Variants in WASHC2A observed in about 807,000 individuals in gnomAD.
The protein encoded by WASHC2A is WASH complex subunit FAM21A.
Under a neutral mutation model 140.3 loss-of-function variants are expected in WASHC2A, and 82 were observed. That is an observed-to-expected ratio of 0.58 (90% CI 0.49 to 0.70). The LOEUF (loss-of-function observed/expected upper bound fraction) is 0.70, where lower values mean the gene tolerates loss of function less well. WASHC2A is among the 30% of genes least tolerant of loss of function. The probability of loss-of-function intolerance (pLI) is 0.00; values close to 1 mark genes in which losing one functional copy is unlikely to be tolerated. For synonymous variants in WASHC2A, 340 were observed against 560.8 expected (o/e 0.61, Z 5.56); for missense variants, 985 against 1,521.8 (o/e 0.65, Z 5.87).
Position 50,129,848 on chromosome 10 carries a change from C to T in WASHC2A, c.3517C>T (p.Pro1173Ser), listed in dbSNP as rs1259491796. The T allele has an allele frequency of 1.2e-6, 2 of 1,611,938 alleles. No individual in the cohort carries two copies. Among genetic ancestry groups the T allele is most frequent in the African/African-American group, 2.7e-5 (2 of 74,860 alleles). Residue 1173 changes from proline to serine, a missense_variant, in exon 29 of 31, where the codon CCT (proline) becomes TCT (serine). By Grantham distance (74) the Pro-to-Ser change is moderately conservative (BLOSUM62 -1). Coordinates refer to ENST00000282633, the MANE Select transcript of WASHC2A (RefSeq NM_001005751.3). The part of the protein sequence containing the change: ...VGGKAKSPMF[P>S]ALGEASSDDD... ...TGGTAAAGCAAAGAGCCCCATGTTT[C>T]CTGCTCTAGGTGAGGCCAGCAGTGA...
rs1270811269 is a variant in WASHC2A at position 50,133,495 on chromosome 10, T to G, written c.*550T>G. The G allele has an allele frequency of 1.7e-5, 8 of 469,094 alleles. No homozygotes were observed. The highest frequency in any genetic ancestry group is 1.2e-4 in the South Asian group (8 of 64,486). The allele number at this position is 469,094 out of a possible 1,614,324, so 29.1% of individuals were successfully genotyped here. A position where few individuals can be genotyped will look rare whatever the true frequency, so the allele number is the denominator to read the frequency against. ...TCATATTTTGTTAATAAAATTTTAT[T>G]GGAACACAACCACATTCATTTGTTT... is the stretch of plus-strand genomic sequence containing the variant. On this transcript the variant is annotated 3_prime_UTR_variant, in exon 31 of 31. Transcript: ENST00000282633.
chr10:50,087,294 C>G lies in WASHC2A; in HGVS notation c.704C>G (p.Ala235Gly). 6.2e-7 allele frequency: 1 copy of G among 1,613,858 alleles called. No homozygotes were observed. The highest frequency in any genetic ancestry group is 1.1e-5 in the South Asian group (1 of 91,062). The stretch of plus-strand genomic sequence containing the variant: ...ACAAAGGAGTCAGATGAAGATTTTG[C>G]CCATCATAGTGACAATGAACAAAAC... ...KEEEESDEDF[A>G]HHSDNEQNRH... Residue 235 changes from alanine to glycine, a missense_variant, in exon 8 of 31, where the codon GCC becomes GGC. Ala to Gly is a moderately conservative substitution (Grantham distance 60). Transcript: ENST00000282633.
intron 8 of WASHC2A, among the ~76,000 whole-genome samples, chr10:50,087,637 A>C (rs1483423629): frequency 6.6e-6 from 1 of 152,040 alleles, no homozygotes; most frequent in Non-Finnish European, 1.5e-5. Context: ...CTTCTGTTTT[A>C]AAATTGGAGA....
intron 30 of WASHC2A, 117 bp downstream of exon 30, chr10:50,131,195 C>T (rs1181087193): frequency 6.3e-5 from 60 of 954,486 alleles, no homozygotes; most frequent in Non-Finnish European, 1.0e-4. Context: ...GGGTTCACTT[C>T]AGTGTAATCC....
chr10:50,132,783 G>A (rs543323104), intron 30 of WASHC2A, 23 bp from the exon 31 acceptor site: 17 of 1,611,998 alleles, frequency 1.1e-5, no homozygotes, highest in African/African-American at 2.7e-5. Flanking sequence ...TTCAGCAACC[G>A]TTCTTCTTTT....
chr10:50,105,263 A>T (rs1395629569), intron 18 of WASHC2A, among the ~76,000 whole-genome samples: 51 of 151,490 alleles, frequency 3.4e-4, no homozygotes, highest in Admixed American at 3.4e-3. Flanking sequence ...CCCAAACCTT[A>T]ACTCTCATGC....
At chr10:50,105,965 G>T (rs1321634161) in intron 18 of WASHC2A, among the ~76,000 whole-genome samples, 1 of 152,052 alleles carries the variant, frequency 6.6e-6, no homozygotes, top group Non-Finnish European at 1.5e-5. Flanking sequence ...TGAGTTTCTG[G>T]CTGCTGCGGG....
chr10:50,108,909 A>AAAAT (rs1158930710), intron 19 of WASHC2A, among the ~76,000 whole-genome samples: 1 of 151,460 alleles, frequency 6.6e-6, no homozygotes, highest in African/African-American at 2.4e-5. Context: ...AAAAAAAAAA[A>AAAAT]AAAGAAGACC....
chr10:50,068,323 T>C (rs1837479260), intron 2 of WASHC2A, 96 bp downstream of exon 2: 2 of 1,274,996 alleles, frequency 1.6e-6, no homozygotes, highest in Non-Finnish European at 1.1e-6. Context: ...ACCTGGCCCG[T>C]CCCGTTGCCT....
chr10:50,127,134 T>A (rs1395309418), intron 26 of WASHC2A, 26 bp from the exon 27 acceptor site: 5 of 1,611,928 alleles, frequency 3.1e-6, no homozygotes. Context: ...CCAAATGGAT[T>A]TTTAACTGGA....
chr10:50,110,170 G>T lies in WASHC2A; in HGVS notation c.1939G>T (p.Asp647Tyr). The T allele has an allele frequency of 6.2e-7, 1 of 1,611,540 alleles. No homozygotes were observed. Among genetic ancestry groups the T allele is most frequent in the South Asian group, 1.1e-5 (1 of 90,928 alleles). ...SDSRSKGEPR[D>Y]SGTLQSQEAK... Reference sequence around the variant, plus strand: ...CAGCAGGTCTAAAGGAGAACCCAGGGATTCTGGGACCCTCCAGAGCCAGGA... The same window carrying T: ...CAGCAGGTCTAAAGGAGAACCCAGGTATTCTGGGACCCTCCAGAGCCAGGA... The change falls in exon 20 of 31, where the codon GAT (aspartate) becomes TAT (tyrosine). Residue 647 changes from aspartate (D) to tyrosine (Y), a missense_variant. Asp to Tyr is a radical substitution (Grantham distance 160). Transcript: ENST00000282633.
intron 4 of WASHC2A, among the ~76,000 whole-genome samples, chr10:50,079,460 G>T (rs1416154703): frequency 6.6e-6 from 1 of 152,214 alleles, no homozygotes; most frequent in African/African-American, 2.4e-5. Flanking sequence ...GCAGTGGCAC[G>T]ATATCAGCTC....
At position 50,107,619 on chromosome 10, in the gene WASHC2A, A is replaced by G. The variant is rs1841911238; in HGVS notation, c.1869+1154A>G. ...AAATTCCGAAGCAGATTGCAAAAAA[A>G]AATGTATTAAAAGCTTATGCGGCCG... On this transcript the variant is annotated intron_variant, in intron 19 of 30. Coordinates refer to ENST00000282633, the MANE Select transcript of WASHC2A (RefSeq NM_001005751.3). Among the ~76,000 whole-genome samples the G allele has an allele frequency of 4.6e-5, 7 of 151,994 alleles. No individual in the cohort carries two copies. In the South Asian group the frequency reaches 1.0e-3, roughly 23 times the overall value.
At chr10:50,124,014 T>C (rs1843205958) in intron 23 of WASHC2A, among the ~76,000 whole-genome samples, 1 of 152,246 alleles carries the variant, frequency 6.6e-6, no homozygotes, top group Non-Finnish European at 1.5e-5. Flanking sequence ...GTTAAACTCA[T>C]TTTTATATAT....
chr10:50,094,004 A>G (rs1840183796), intron 13 of WASHC2A, 87 bp downstream of exon 13: 1 of 1,605,108 alleles, frequency 6.2e-7, no homozygotes, highest in Non-Finnish European at 8.5e-7. Flanking sequence ...GTTGTTCCCA[A>G]GCCTTGTTTC....
At chr10:50,090,141 C>A (rs1374860680) in intron 8 of WASHC2A, among the ~76,000 whole-genome samples, 1 of 151,798 alleles carries the variant, frequency 6.6e-6, no homozygotes, top group Non-Finnish European at 1.5e-5. Context: ...AAATATTTCT[C>A]TAGTAAGCCA....
chr10:50,121,592 C>T lies in WASHC2A; in HGVS notation c.2478+1823C>T, dbSNP rs1405617389. ...TATTTTTAGTAGAGACAGGGTTTCA[C>T]CGTGTTGGCCACGCTGACCTTGAAC... On this transcript the variant is annotated intron_variant, in intron 23 of 30. Transcript: ENST00000282633. 2.4e-3 allele frequency among the ~76,000 whole-genome samples: 361 copies of T among 150,470 alleles called. 6 individuals carry two copies. The highest frequency in any genetic ancestry group is 8.7e-3 in the African/African-American group (348 of 40,060).
chr10:50,111,815 G>A lies in WASHC2A; in HGVS notation c.2039+1545G>A, dbSNP rs1481140641. Among the ~76,000 whole-genome samples, 3 of 152,164 alleles carry A rather than the reference G, an allele frequency of 2.0e-5. No homozygotes were observed. The South Asian group carries it at 6.2e-4, about 32-fold the overall frequency. ...GAGGCCGAGGCAGGCAGATCACGAG[G>A]TCAGGAGTTGAAGAACAGCCTGACC... On this transcript the variant is annotated intron_variant, in intron 20 of 30. Transcript: ENST00000282633.
Position 50,090,520 on chromosome 10 carries a change from ATATATATATATTTATATT to A in WASHC2A, c.733-244_733-227del, listed in dbSNP as rs1554882465. Among the ~76,000 whole-genome samples, 156 of 118,668 alleles carry A rather than the reference ATATATATATATTTATATT, an allele frequency of 1.3e-3. 2 individuals carry two copies. Among genetic ancestry groups the A allele is most frequent in the African/African-American group, 3.9e-3 (144 of 37,114 alleles). 77.9% of individuals were successfully genotyped at this position (118,668 alleles called of 152,430 possible). ...TCCATCTCAAAAAAAAAAAAAATAT[ATATATATATATTTATATT>A]TATATATATATATTTATATTTTATA... On this transcript the variant is annotated intron_variant, in intron 8 of 30. Coordinates refer to ENST00000282633, the MANE Select transcript of WASHC2A (RefSeq NM_001005751.3).
Sources: allele counts gnomAD v4.1 joint callset (sites outside exome capture counted in the v4.1 genomes callset), GRCh38; gene constraint gnomAD v4.1.1; transcripts MANE v1.5; gene names NCBI Gene and HGNC (gene_info 2026-07-23, HGNC 2026-07-21).